The following NKD1 variants were observed in gnomAD, a reference collection of about 807,000 sequenced individuals.
NKD1 encodes the protein NKD inhibitor of Wnt signaling pathway 1, also known as protein naked cuticle homolog 1.
Under a neutral mutation model 56.0 loss-of-function variants are expected in NKD1, and 21 were observed. The ratio of observed to expected loss-of-function variants is 0.38; its 90% CI spans 0.27 to 0.54. The LOEUF is 0.54. Ranked by LOEUF, NKD1 falls within the 20% of genes least tolerant of loss-of-function variation. The probability of loss-of-function intolerance (pLI) is 0.82; values close to 1 mark genes in which losing one functional copy is unlikely to be tolerated. For synonymous variants in NKD1, 263 were observed against 265.7 expected, an observed-to-expected ratio of 0.99 and a Z score of 0.10; for missense variants, 578 against 642.7, an observed-to-expected ratio of 0.90 and a Z score of 1.09.
chr16:50,603,918 C>T (rs1961650781), intron 3 of NKD1, among the ~76,000 whole-genome samples: 1 of 152,190 alleles, frequency 6.6e-6, no homozygotes, highest in Admixed American at 6.5e-5. Flanking sequence ...GAAGGTAGCA[C>T]ATCTGGGCAT....
chr16:50,627,753 T>C (rs1011655552), intron 6 of NKD1, among the ~76,000 whole-genome samples: 2 of 152,190 alleles, frequency 1.3e-5, no homozygotes, highest in Non-Finnish European at 2.9e-5. Flanking sequence ...GTGTCTGCCC[T>C]GTGTAGTCAG....
intron 3 of NKD1, among the ~76,000 whole-genome samples, chr16:50,584,071 CT>C (rs1227232865): frequency 6.6e-6 from 1 of 152,230 alleles, no homozygotes; most frequent in Admixed American, 6.5e-5. Flanking sequence ...CCTCCCACAT[CT>C]GCGAGTAGGT....
chr16:50,556,162 T>A (rs905367680), intron 3 of NKD1: 1 of 152,240 alleles, frequency 6.6e-6, no homozygotes, highest in African/African-American at 2.4e-5. Context: ...CGCTGCTTCA[T>A]GGCTTCGACT....
intron 3 of NKD1, among the ~76,000 whole-genome samples, chr16:50,599,980 G>C (rs971905646): frequency 1.3e-5 from 2 of 152,034 alleles, no homozygotes; most frequent in Non-Finnish European, 2.9e-5. Context: ...TTCAAGGAGG[G>C]TGGCCAGGTG....
chr16:50,561,307 G>A (rs2151263889), intron 3 of NKD1, among the ~76,000 whole-genome samples: 1 of 151,774 alleles, frequency 6.6e-6, no homozygotes, highest in East Asian at 1.9e-4. Flanking sequence ...TTAGCTATGA[G>A]GTATCTATTA....
intron 4 of NKD1, among the ~76,000 whole-genome samples, chr16:50,615,374 A>G (rs1961937877): frequency 6.6e-6 from 1 of 152,206 alleles, no homozygotes; most frequent in African/African-American, 2.4e-5. Context: ...TATTGGGCTG[A>G]TGGAAGATTC....
chr16:50,596,560 T>C (rs1159350961), intron 3 of NKD1, among the ~76,000 whole-genome samples: 1 of 152,246 alleles, frequency 6.6e-6, no homozygotes, highest in East Asian at 1.9e-4. Flanking sequence ...CAGATAATGT[T>C]AGGAAATGTA....
chr16:50,634,306 T>G lies in NKD1; in HGVS notation c.*525T>G, dbSNP rs141170178. 2.0e-5 allele frequency: 3 copies of G among 152,970 alleles called. No homozygotes were observed. In the East Asian group the frequency reaches 5.6e-4, roughly 29 times the overall value. 9.5% of individuals were successfully genotyped at this position (152,970 alleles called of 1,614,324 possible). A position where few individuals can be genotyped will look rare whatever the true frequency, so the allele number is the denominator to read the frequency against. ...CTGCAGAGTGCGAACGTCTTGCTGT[T>G]GTGTTTTTATGTCCCAACCTAGAAA... On this transcript the variant is annotated 3_prime_UTR_variant, in exon 10 of 10. Transcript: ENST00000268459.
intron 4 of NKD1, among the ~76,000 whole-genome samples, chr16:50,619,894 G>A (rs571146074): frequency 3.9e-4 from 59 of 152,328 alleles, no homozygotes; most frequent in Middle Eastern, 3.4e-3. Context: ...GCTGAGAGAA[G>A]CACCAAGTCT....
intron 3 of NKD1, among the ~76,000 whole-genome samples, chr16:50,585,469 C>T (rs975067532): frequency 1.3e-5 from 2 of 152,190 alleles, no homozygotes; most frequent in Admixed American, 6.5e-5. Context: ...CATCCTGGGC[C>T]TTGGAAGAAT....
At position 50,646,522 on chromosome 16, in the gene NKD1, G is replaced by C. The variant is rs1428984840; in HGVS notation, c.*12741G>C. The C allele has an allele frequency of 1.3e-5, 2 of 152,276 alleles. No individual in the cohort carries two copies. The highest frequency in any genetic ancestry group is 3.9e-4 in the East Asian group (2 of 5,194). 9.4% of individuals were successfully genotyped at this position (152,276 alleles called of 1,614,324 possible). Reference sequence around the variant, plus strand: ...GCCTTGTGGCAGGTGCTGGGAGGCAGGGACTGGGGCCGGGCGGGTCCACCC... The same window carrying C: ...GCCTTGTGGCAGGTGCTGGGAGGCACGGACTGGGGCCGGGCGGGTCCACCC... On this transcript the variant is annotated 3_prime_UTR_variant, in exon 10 of 10. Coordinates refer to ENST00000268459, the MANE Select transcript of NKD1 (RefSeq NM_033119.5).
intron 3 of NKD1, among the ~76,000 whole-genome samples, chr16:50,592,723 G>C (rs763995931): frequency 6.6e-6 from 1 of 151,866 alleles, no homozygotes; most frequent in African/African-American, 2.4e-5. Flanking sequence ...AATGAATTAG[G>C]AGGCAGCGAG....
Position 50,637,877 on chromosome 16 carries a change from C to T in NKD1, c.*4096C>T, listed in dbSNP as rs187784747. 4 of 152,322 alleles carry T rather than the reference C, an allele frequency of 2.6e-5. No individual in the cohort carries two copies. The highest frequency in any genetic ancestry group is 2.1e-4 in the South Asian group (1 of 4,824). The allele number at this position is 152,322 out of a possible 1,614,324, so 9.4% of individuals were successfully genotyped here. ...TTTCTGCTGATCTGTCACTGGGTAC[C>T]GAGGACTGGGTGTGTTTAAGGCAGA... On this transcript the variant is annotated 3_prime_UTR_variant, in exon 10 of 10. Coordinates refer to ENST00000268459, the MANE Select transcript of NKD1 (RefSeq NM_033119.5).
Position 50,633,322 on chromosome 16 carries a change from C to G in NKD1, c.954C>G (p.Phe318Leu), listed in dbSNP as rs761335049. 1.2e-6 allele frequency: 2 copies of G among 1,614,062 alleles called. No individual in the cohort carries two copies. Among genetic ancestry groups the G allele is most frequent in the East Asian group, 2.2e-5 (1 of 44,896 alleles). ...CCCAAGGCGTGGACCCGGCCTCCTT[C>G]CACTTCCTTGACACCCCAATCGCCA... ...RKPQGVDPAS[F>L]HFLDTPIAKV... is the part of the protein sequence containing the mutation. Residue 318 changes from phenylalanine to leucine, a missense_variant, in exon 10 of 10, where the codon TTC becomes TTG. Coordinates refer to ENST00000268459, the MANE Select transcript of NKD1 (RefSeq NM_033119.5). The surrounding 1 kb of genome is among the most constrained non-coding windows in gnomAD (Gnocchi z 4.9).
At chr16:50,549,298 G>C (rs570621870) in intron 2 of NKD1, 124 bp from the exon 3 acceptor site, 10 of 1,245,732 alleles carry the variant, frequency 8.0e-6, no homozygotes, top group East Asian at 2.6e-5. Context: ...CCCAGCCCGC[G>C]AACCCCCTCC....
chr16:50,568,078 G>A (rs1396098182), intron 3 of NKD1, among the ~76,000 whole-genome samples: 1 of 152,256 alleles, frequency 6.6e-6, no homozygotes, highest in Non-Finnish European at 1.5e-5. Flanking sequence ...AAAATATGAT[G>A]CCAGAAAGCC....
chr16:50,556,695 A>G (rs1229877233), intron 3 of NKD1: 2 of 146,266 alleles, frequency 1.4e-5, no homozygotes, highest in East Asian at 2.1e-4. Flanking sequence ...AGCACTATCT[A>G]TTGAGTGCAT....
intron 3 of NKD1, among the ~76,000 whole-genome samples, chr16:50,587,859 T>G (rs907812148): frequency 4.6e-5 from 7 of 152,232 alleles, no homozygotes; most frequent in Non-Finnish European, 1.0e-4. Flanking sequence ...TATCGTGAAC[T>G]GTGCATACAA....
intron 3 of NKD1, among the ~76,000 whole-genome samples, chr16:50,595,651 G>A (rs1166833067): frequency 2.0e-5 from 3 of 152,196 alleles, no homozygotes; most frequent in Admixed American, 6.5e-5. Context: ...TAGCTCACAC[G>A]TGGACCTCCT....
Sources: allele counts gnomAD v4.1 joint callset (sites outside exome capture counted in the v4.1 genomes callset), GRCh38; gene constraint gnomAD v4.1.1; non-coding constraint Gnocchi (gnomAD v3.1); transcripts MANE v1.5; gene names NCBI Gene and HGNC (gene_info 2026-07-23, HGNC 2026-07-21).